MICU1: variants seen among roughly 807,000 people sequenced by gnomAD.
MICU1 encodes the protein mitochondrial calcium uptake 1.
MICU1 carries 45 observed loss-of-function variants against 56.8 expected under a neutral mutation model. That is an observed-to-expected ratio of 0.79 (90% CI 0.62 to 1.02). MICU1 has a LOEUF of 1.02. Among genes scored for constraint, MICU1 ranks in the 50% least tolerant of loss-of-function variants. MICU1 has a pLI of 0.00. For missense variants in MICU1, 504 were observed against 587.1 expected, an observed-to-expected ratio of 0.86 and a Z score of 1.46; for synonymous variants, 186 against 195.1, an observed-to-expected ratio of 0.95 and a Z score of 0.39.
At chr10:72,420,244 A>G (rs1010807785) in intron 9 of MICU1, among the ~76,000 whole-genome samples, 2 of 152,170 alleles carry the variant, frequency 1.3e-5, no homozygotes, top group African/African-American at 4.8e-5. Context: ...TATTTTTAGT[A>G]GAGAGGGGGT....
At chr10:72,508,396 C>T in intron 5 of MICU1, 127 bp from the exon 6 acceptor site, 4 of 435,064 alleles carry the variant, frequency 9.2e-6, no homozygotes, top group Non-Finnish European at 1.2e-5. Context: ...TCTCTCATGG[C>T]CATTCAAAAT....
At chr10:72,491,974 T>C (rs188343627) in intron 6 of MICU1, among the ~76,000 whole-genome samples, 32 of 152,314 alleles carry the variant, frequency 2.1e-4, no homozygotes, top group African/African-American at 3.4e-4. Context: ...TAATAAACTA[T>C]GCTTATCCCC....
At position 72,580,885 on chromosome 10, in the gene MICU1, C is replaced by T. The variant is rs189168314; in HGVS notation, c.-1-14091G>A. Among the ~76,000 whole-genome samples the T allele has an allele frequency of 2.0e-3, 304 of 152,210 alleles. 6 individuals carry two copies. The highest frequency in any genetic ancestry group is 0.02 in the Admixed American group (302 of 15,276). On this transcript the variant is annotated intron_variant, in intron 1 of 11. Coordinates refer to ENST00000361114, the MANE Select transcript of MICU1 (RefSeq NM_001195518.2). ...TTAATCTAAACAGCAACAAGGTTCT[C>T]AAAAATATTCCAGAAGTTTCATCTT...
rs1372691824 is a variant in MICU1, at chr10:72,532,882, C to A, written c.537+864G>T. On this transcript the variant is annotated intron_variant, in intron 5 of 11. Coordinates refer to ENST00000361114, the MANE Select transcript of MICU1 (RefSeq NM_001195518.2). ...AAAGAGCTCAACACTTATCTCTCCACCTTACCAGGATATGGACTTTTATGT... is the reference window on the plus strand; with the variant it reads ...AAAGAGCTCAACACTTATCTCTCCAACTTACCAGGATATGGACTTTTATGT... The A allele has an allele frequency of 6.8e-6, 8 of 1,170,528 alleles. No homozygotes were observed. The Admixed American group carries it at 1.5e-4, about 21-fold the overall frequency. 72.5% of individuals were successfully genotyped at this position (1,170,528 alleles called of 1,614,324 possible). A position where few individuals can be genotyped will look rare whatever the true frequency, so the allele number is the denominator to read the frequency against.
At chr10:72,556,756 A>T (rs1024779188) in intron 3 of MICU1, among the ~76,000 whole-genome samples, 10 of 152,070 alleles carry the variant, frequency 6.6e-5, no homozygotes, top group African/African-American at 2.4e-4. Context: ...TTTCTTCTCC[A>T]ACATATTTTG....
intron 6 of MICU1, among the ~76,000 whole-genome samples, chr10:72,499,773 C>T (rs1254633768): frequency 6.6e-6 from 1 of 152,278 alleles, no homozygotes; most frequent in Admixed American, 6.5e-5. Flanking sequence ...TTTTTCAATA[C>T]ATCACTCGAC....
intron 3 of MICU1, among the ~76,000 whole-genome samples, chr10:72,558,012 A>G (rs1840200678): frequency 1.3e-5 from 2 of 152,246 alleles, no homozygotes. Context: ...TGAAGATGCT[A>G]CTAAACATAG....
intron 6 of MICU1, 69 bp from the exon 7 acceptor site, chr10:72,477,325 A>T: frequency 7.6e-7 from 1 of 1,311,302 alleles, no homozygotes; most frequent in Non-Finnish European, 1.0e-6. Context: ...AAAGAAAAAC[A>T]AAAGGCTAAA....
chr10:72,402,721 T>C (rs1863495627), intron 10 of MICU1, among the ~76,000 whole-genome samples: 1 of 152,092 alleles, frequency 6.6e-6, no homozygotes, highest in Non-Finnish European at 1.5e-5. Context: ...AAGAATTCAC[T>C]GCTAGCAGAT....
chr10:72,453,220 A>C (rs1259043881), intron 8 of MICU1, among the ~76,000 whole-genome samples: 4 of 152,344 alleles, frequency 2.6e-5, no homozygotes, highest in South Asian at 4.1e-4. Context: ...ATACATACCC[A>C]CAAGTGAGGA....
chr10:72,576,939 C>T (rs867308841), intron 1 of MICU1, among the ~76,000 whole-genome samples: 90 of 152,260 alleles, frequency 5.9e-4, no homozygotes, highest in Middle Eastern at 6.8e-3. Flanking sequence ...GACCTAAATG[C>T]CCATCAACCA....
intron 10 of MICU1, among the ~76,000 whole-genome samples, chr10:72,391,413 G>C (rs1172232218): frequency 6.6e-6 from 1 of 151,842 alleles, no homozygotes; most frequent in Non-Finnish European, 1.5e-5. Flanking sequence ...GCCCAGCCTG[G>C]TCGACAGAGC....
chr10:72,559,809 G>C (rs951000414), intron 3 of MICU1, among the ~76,000 whole-genome samples: 1 of 152,228 alleles, frequency 6.6e-6, no homozygotes, highest in Admixed American at 6.5e-5. Flanking sequence ...GAACCAGGCT[G>C]CATAGCAGGA....
intron 6 of MICU1, among the ~76,000 whole-genome samples, chr10:72,507,804 G>GC (rs1489809002): frequency 6.6e-6 from 1 of 152,090 alleles, no homozygotes; most frequent in Non-Finnish European, 1.5e-5. Flanking sequence ...CTTTTGTAGA[G>GC]ATGGGGTTTC....
chr10:72,527,245 T>C (rs190431152), intron 5 of MICU1, among the ~76,000 whole-genome samples: 1 of 152,294 alleles, frequency 6.6e-6, no homozygotes, highest in Non-Finnish European at 1.5e-5. Flanking sequence ...TAAAAGGTCA[T>C]ACAGACAACT....
At chr10:72,405,552 G>T (rs534732418) in intron 10 of MICU1, among the ~76,000 whole-genome samples, 4 of 134,366 alleles carry the variant, frequency 3.0e-5, no homozygotes, top group Admixed American at 1.6e-4. Context: ...AAAATACTCT[G>T]ACATAAAACC....
chr10:72,532,849 C>T (rs759951938), intron 5 of MICU1: 71 of 1,089,630 alleles, frequency 6.5e-5, no homozygotes, highest in Non-Finnish European at 7.8e-5. Flanking sequence ...ATTCTTTTCA[C>T]TTGTATAAAA....
At chr10:72,562,060 C>A (rs1261906898) in intron 3 of MICU1, among the ~76,000 whole-genome samples, 1 of 151,574 alleles carries the variant, frequency 6.6e-6, no homozygotes, top group African/African-American at 2.4e-5. Context: ...AACTCAAATA[C>A]CTGATATCAT....
intron 6 of MICU1, among the ~76,000 whole-genome samples, chr10:72,497,432 A>T (rs1206012158): frequency 6.6e-6 from 1 of 152,164 alleles, no homozygotes; most frequent in African/African-American, 2.4e-5. Context: ...ATAATCAAAC[A>T]CTATTAAGCC....
Sources: gnomAD v4.1 joint callset for allele counts (sites outside exome capture counted in the v4.1 genomes callset) on GRCh38, gnomAD v4.1.1 for gene constraint, MANE v1.5 for transcripts, NCBI Gene and HGNC (gene_info 2026-07-23, HGNC 2026-07-21) for gene names.